GPAT4: variants seen among roughly 807,000 people sequenced by gnomAD.
GPAT4 encodes the protein 1-AGP acyltransferase 6.
In GPAT4, 17 loss-of-function variants were observed where a neutral mutation model predicts 58.0. The observed-to-expected ratio is 0.29, with a 90% confidence interval of 0.20 to 0.44. The LOEUF is 0.44. Ranked by LOEUF, GPAT4 falls within the 20% of genes least tolerant of loss-of-function variation. The probability of loss-of-function intolerance (pLI) is 1.00; values close to 1 mark genes in which losing one functional copy is unlikely to be tolerated. For synonymous variants in GPAT4, 204 were observed against 210.1 expected (o/e 0.97, Z 0.25); for missense variants, 377 against 574.5 (o/e 0.66, Z 3.51).
chr8:41,578,917 T>A (rs567855727), intron 1 of GPAT4, among the ~76,000 whole-genome samples: 32 of 152,358 alleles, frequency 2.1e-4, no homozygotes, highest in African/African-American at 7.5e-4. Context: ...ATAGGAGACA[T>A]ACGGTGTAGC....
chr8:41,620,332 G>A (rs1289618257), intron 12 of GPAT4, among the ~76,000 whole-genome samples: 1 of 152,226 alleles, frequency 6.6e-6, no homozygotes, highest in African/African-American at 2.4e-5. Flanking sequence ...CACGGGGGCA[G>A]TGAGGCTGGA....
At chr8:41,600,782 C>A (rs1803066606) in intron 2 of GPAT4, among the ~76,000 whole-genome samples, 2 of 152,196 alleles carry the variant, frequency 1.3e-5, no homozygotes, top group South Asian at 4.1e-4. Flanking sequence ...CCAGCCCTGG[C>A]AACCACAGTC....
chr8:41,608,016 G>A (rs1389214465), intron 2 of GPAT4, among the ~76,000 whole-genome samples: 4 of 152,094 alleles, frequency 2.6e-5, no homozygotes, highest in Non-Finnish European at 5.9e-5. Flanking sequence ...TCCATTTTAG[G>A]TATTATATTA....
At chr8:41,580,771 G>A (rs1802489237) in intron 1 of GPAT4, among the ~76,000 whole-genome samples, 1 of 152,192 alleles carries the variant, frequency 6.6e-6, no homozygotes, top group South Asian at 2.1e-4. Flanking sequence ...CAGCATTTGA[G>A]TGTCATGGTA....
intron 2 of GPAT4, 111 bp downstream of exon 2, chr8:41,599,415 G>A: frequency 7.7e-7 from 1 of 1,305,742 alleles, no homozygotes; most frequent in Non-Finnish European, 1.1e-6. Context: ...GAGAAAGTTG[G>A]GAGAATGGGA....
intron 1 of GPAT4, among the ~76,000 whole-genome samples, chr8:41,580,990 A>G (rs548281320): frequency 1.3e-5 from 2 of 152,340 alleles, no homozygotes; most frequent in South Asian, 4.1e-4. Flanking sequence ...TCTCTAAGCT[A>G]TCTGGAGATG....
chr8:41,611,870 A>G (rs1394577250), intron 5 of GPAT4, 33 bp from the exon 6 acceptor site: 8 of 1,605,876 alleles, frequency 5.0e-6, no homozygotes, highest in South Asian at 1.1e-5. Context: ...TGTATGTAAA[A>G]TAAAACCCAG....
intron 1 of GPAT4, among the ~76,000 whole-genome samples, chr8:41,582,227 C>T (rs1409143448): frequency 6.6e-6 from 1 of 151,554 alleles, no homozygotes; most frequent in African/African-American, 2.4e-5. Flanking sequence ...TGGTCTCGAA[C>T]TCCTGACCTC....
chr8:41,592,368 T>C (rs746271426), intron 1 of GPAT4, among the ~76,000 whole-genome samples: 12 of 152,210 alleles, frequency 7.9e-5, no homozygotes, highest in Non-Finnish European at 1.6e-4. Flanking sequence ...TTCTGTGTGA[T>C]TTGAACTCCA....
At chr8:41,594,835 G>A (rs549054570) in intron 1 of GPAT4, among the ~76,000 whole-genome samples, 16 of 152,110 alleles carry the variant, frequency 1.1e-4, no homozygotes, top group South Asian at 2.1e-4. Flanking sequence ...GTAAGCCACC[G>A]TGCCCGGCCC....
At chr8:41,610,512 G>A (rs554479461) in intron 4 of GPAT4, 4 of 1,400,332 alleles carry the variant, frequency 2.9e-6, no homozygotes, top group Non-Finnish European at 3.7e-6. Context: ...CTCAGGAGAT[G>A]CAGGCAGCTG....
At chr8:41,585,593 T>C (rs894506445) in intron 1 of GPAT4, among the ~76,000 whole-genome samples, 5 of 152,230 alleles carry the variant, frequency 3.3e-5, no homozygotes, top group Non-Finnish European at 5.9e-5. Flanking sequence ...GATAGCTTGA[T>C]AGGCATCATG....
chr8:41,612,847 G>C lies in GPAT4; in HGVS notation c.798G>C (p.Val266=). ...ILASDGYYAM[V]GQVHGGLMGV... ...ATGAGTCCTGTGCCTGCGCTTAGGT[G>C]GGTCAAGTGCACGGGGGACTCATGG... Residue 266 remains valine, a splice_region_variant and synonymous_variant, in exon 8 of 13, where the codon GTG becomes GTC. Transcript: ENST00000396987. 6.2e-7 allele frequency: 1 copy of C among 1,613,802 alleles called. No individual in the cohort carries two copies. The highest frequency in any genetic ancestry group is 8.5e-7 in the Non-Finnish European group (1 of 1,179,834).
chr8:41,611,743 A>T (rs556787200), intron 5 of GPAT4, among the ~76,000 whole-genome samples, 160 bp from the exon 6 acceptor site: 2 of 152,274 alleles, frequency 1.3e-5, no homozygotes, highest in East Asian at 3.9e-4. Flanking sequence ...CTCATGTGTG[A>T]ACATAAAGGT....
At chr8:41,597,084 G>T (rs748682572) in intron 1 of GPAT4, among the ~76,000 whole-genome samples, 15 of 152,172 alleles carry the variant, frequency 9.9e-5, no homozygotes, top group Non-Finnish European at 2.2e-4. Context: ...TTAGGTCAGG[G>T]GTTGATTTTT....
intron 10 of GPAT4, among the ~76,000 whole-genome samples, chr8:41,616,026 G>T (rs1803586314): frequency 6.6e-6 from 1 of 152,172 alleles, no homozygotes; most frequent in Admixed American, 6.5e-5. Flanking sequence ...GGACTCACCA[G>T]AGCCTGAGGA....
intron 1 of GPAT4, among the ~76,000 whole-genome samples, chr8:41,579,699 G>A (rs1802459988): frequency 6.6e-6 from 1 of 152,140 alleles, no homozygotes; most frequent in Admixed American, 6.5e-5. Flanking sequence ...TTAGCCGGAC[G>A]TGGTGGCAAG....
At chr8:41,604,058 T>C (rs1803186663) in intron 2 of GPAT4, among the ~76,000 whole-genome samples, 1 of 151,944 alleles carries the variant, frequency 6.6e-6, no homozygotes, top group African/African-American at 2.4e-5. Flanking sequence ...TTTTTTGCCT[T>C]CTTCCTTTCA....
intron 1 of GPAT4, among the ~76,000 whole-genome samples, chr8:41,579,262 A>G (rs1585641916): frequency 6.6e-6 from 1 of 152,218 alleles, no homozygotes; most frequent in African/African-American, 2.4e-5. Flanking sequence ...GGAATAGGGA[A>G]CCAGCATGTA....
Sources: gnomAD v4.1 joint callset for allele counts (sites outside exome capture counted in the v4.1 genomes callset) on GRCh38, gnomAD v4.1.1 for gene constraint, MANE v1.5 for transcripts, NCBI Gene and HGNC (gene_info 2026-07-23, HGNC 2026-07-21) for gene names.